Variants in C4orf50 observed in about 807,000 individuals in gnomAD.
The protein encoded by C4orf50 is chromosome 4 open reading frame 50, also known as uncharacterized protein C4orf50.
In C4orf50, 80 loss-of-function variants were observed where a neutral mutation model predicts 77.2. That is an observed-to-expected ratio of 1.04 (90% CI 0.87 to 1.25). C4orf50 has a LOEUF of 1.25. Among genes scored for constraint, C4orf50 ranks in the 50% most tolerant of loss-of-function variants. C4orf50 has a pLI of 0.00. For synonymous variants in C4orf50, 532 were observed against 465.3 expected, an observed-to-expected ratio of 1.14 and a Z score of -1.84; for missense variants, 1,257 against 1,152.9, an observed-to-expected ratio of 1.09 and a Z score of -1.31.
chr4:6,003,808 T>G (rs1721976090), intron 25 of C4orf50, among the ~76,000 whole-genome samples: 1 of 141,564 alleles, frequency 7.1e-6, no homozygotes, highest in South Asian at 2.5e-4. Flanking sequence ...GTGATGGTGA[T>G]GATGGTGATG....
At position 5,917,516 on chromosome 4, in the gene C4orf50, C is replaced by T. The variant is rs546001867; in HGVS notation, c.*2475-19328G>A. On this transcript the variant is annotated intron_variant, in intron 7 of 7. Transcript: ENST00000324058. ...GAAACCTTTGCCTTCCGGGTTCAAG[C>T]GATACTCCTGCCTCAGCCTCCTGAG... Among the ~76,000 whole-genome samples the T allele has an allele frequency of 1.4e-3, 206 of 147,460 alleles. 1 individual carries two copies. The highest frequency in any genetic ancestry group is 4.8e-3 in the African/African-American group (194 of 40,346).
At chr4:5,941,145 T>C (rs949902999) in intron 7 of C4orf50, among the ~76,000 whole-genome samples, 1 of 152,246 alleles carries the variant, frequency 6.6e-6, no homozygotes, top group African/African-American at 2.4e-5. Flanking sequence ...TTCTAATTAA[T>C]AAAATGTTCT....
At chr4:5,924,949 G>A (rs1283177067) in intron 7 of C4orf50, among the ~76,000 whole-genome samples, 2 of 152,272 alleles carry the variant, frequency 1.3e-5, no homozygotes, top group South Asian at 4.1e-4. Flanking sequence ...GCACTTGGGT[G>A]GCAGGTGTGC....
intron 28 of C4orf50, among the ~76,000 whole-genome samples, chr4:5,981,326 C>T (rs6846882): frequency 0.16 from 23,801 of 151,022 alleles, 3,161 homozygotes; most frequent in African/African-American, 0.37. Flanking sequence ...GGCCCTTGTA[C>T]ATAAATACTT....
intron 7 of C4orf50, among the ~76,000 whole-genome samples, chr4:5,939,243 CAAAA>C (rs952335534): frequency 1.3e-5 from 2 of 150,524 alleles, no homozygotes; most frequent in African/African-American, 2.4e-5. Context: ...AACTCTGTCT[CAAAA>C]AAAAAGAAAG....
chr4:5,966,575 C>G (rs1180033030), intron 32 of C4orf50, among the ~76,000 whole-genome samples: 1 of 151,636 alleles, frequency 6.6e-6, no homozygotes, highest in African/African-American at 2.4e-5. Context: ...TAGGTGCTGT[C>G]CTAGCCTAAG....
At chr4:5,987,554 AAGAG>A (rs780978544) in intron 28 of C4orf50, among the ~76,000 whole-genome samples, 1 of 151,750 alleles carries the variant, frequency 6.6e-6, no homozygotes. Flanking sequence ...GTGGGGAGGA[AAGAG>A]AGAAAGGAAA....
At position 5,932,573 on chromosome 4, in the gene C4orf50, C is replaced by T. The variant is rs978165317; in HGVS notation, c.*2474+24328G>A. Among the ~76,000 whole-genome samples, 1 of 152,176 alleles carries T rather than the reference C, an allele frequency of 6.6e-6. No individual in the cohort carries two copies. Among genetic ancestry groups the T allele is most frequent in the Admixed American group, 6.5e-5 (1 of 15,278 alleles). On this transcript the variant is annotated intron_variant, in intron 7 of 7. Transcript: ENST00000324058. The surrounding 1 kb of genome is among the most constrained non-coding windows in gnomAD (Gnocchi z 4.2). The stretch of plus-strand genomic sequence containing the variant: ...GCCTCAGCCTCCTGAGTAGCTGCAA[C>T]TACAGGTGCATGCAACCACGCCCAG...
chr4:5,973,830 A>G, exon 31 of C4orf50: 1 of 1,611,666 alleles, frequency 6.2e-7, no homozygotes, highest in African/African-American at 1.3e-5. Flanking sequence ...GGACGAGGGA[A>G]GCTATCTTGG....
At chr4:5,989,675 C>T in exon 28 of C4orf50, 1 of 1,536,138 alleles carries the variant, frequency 6.5e-7, no homozygotes, top group Admixed American at 2.0e-5. Flanking sequence ...TTGCTCACAG[C>T]CTGTGGATGA....
intron 27 of C4orf50, 70 bp from the exon 6 acceptor site, chr4:5,990,894 A>T (rs1721248597): frequency 2.5e-6 from 1 of 398,160 alleles, no homozygotes; most frequent in South Asian, 1.4e-4. Context: ...ACCTCCACTC[A>T]CCTCCTGGGG....
chr4:5,917,623 A>C (rs1009968769), intron 7 of C4orf50, among the ~76,000 whole-genome samples: 20 of 152,040 alleles, frequency 1.3e-4, no homozygotes, highest in Non-Finnish European at 2.9e-5. Context: ...CATGTTGGCC[A>C]GGATGGTCTC....
chr4:5,990,325 T>C (rs1721193209), exon 28 of C4orf50: 1 of 908,626 alleles, frequency 1.1e-6, no homozygotes, highest in Non-Finnish European at 1.4e-6. Context: ...GTCACCAAGG[T>C]TTTTCCCCTT....
chr4:5,926,929 G>A (rs1471762491), intron 7 of C4orf50, among the ~76,000 whole-genome samples: 5 of 152,162 alleles, frequency 3.3e-5, no homozygotes, highest in Admixed American at 3.3e-4. Context: ...CTTTCCGTGT[G>A]CCCATGTTTC....
intron 28 of C4orf50, among the ~76,000 whole-genome samples, chr4:5,985,036 G>C (rs569452066): frequency 1.6e-4 from 25 of 152,210 alleles, no homozygotes; most frequent in African/African-American, 5.3e-4. Context: ...AATTATGACT[G>C]ATTTCTGGAC....
At chr4:5,939,337 C>T (rs1170048450) in intron 7 of C4orf50, among the ~76,000 whole-genome samples, 1 of 152,226 alleles carries the variant, frequency 6.6e-6, no homozygotes, top group Non-Finnish European at 1.5e-5. Context: ...TCCTCTGTCA[C>T]TGTCCCCTCT....
rs910538814 is a variant in C4orf50, at chr4:5,901,353, G to A, written c.*2475-3165C>T. 2 of 152,180 alleles carry A rather than the reference G, an allele frequency of 1.3e-5. No homozygotes were observed. Among genetic ancestry groups the A allele is most frequent in the African/African-American group, 4.8e-5 (2 of 41,446 alleles). The allele number at this position is 152,180 out of a possible 1,614,324, so 9.4% of individuals were successfully genotyped here. ...TCCATTATTGCGCACAGTAGGTGCC[G>A]AGGTGTGTATCTTATTATCTCCATT... is the stretch of plus-strand genomic sequence containing the variant. On this transcript the variant is annotated intron_variant, in intron 7 of 7. Transcript: ENST00000324058. This position sits in a 1 kb window ranked among gnomAD's most constrained non-coding sequence, Gnocchi z 4.4.
intron 25 of C4orf50, among the ~76,000 whole-genome samples, chr4:6,005,724 C>T (rs990897548): frequency 2.0e-5 from 3 of 152,228 alleles, no homozygotes; most frequent in Non-Finnish European, 4.4e-5. Flanking sequence ...ATGGCCAAGA[C>T]ATGAGCAGTA....
chr4:5,998,408 G>C (rs901664583), intron 25 of C4orf50, among the ~76,000 whole-genome samples: 2 of 152,174 alleles, frequency 1.3e-5, no homozygotes, highest in African/African-American at 4.8e-5. Context: ...GCTGGAGAGA[G>C]AAACAAATGT....
Sources: gnomAD v4.1 joint callset for allele counts (sites outside exome capture counted in the v4.1 genomes callset) on GRCh38, gnomAD v4.1.1 for gene constraint, Gnocchi (gnomAD v3.1) non-coding constraint, MANE v1.5 for transcripts, NCBI Gene and HGNC (gene_info 2026-07-23, HGNC 2026-07-21) for gene names.